Variants in GNPTG observed in about 807,000 individuals in gnomAD.
GNPTG encodes N-acetylglucosamine-1-phosphate transferase subunit gamma, also known as N-acetylglucosamine-1-phosphotransferase subunit gamma.
A neutral mutation model predicts 43.8 loss-of-function variants in GNPTG; 46 were observed. That is an observed-to-expected ratio of 1.05 (90% CI 0.83 to 1.34). The LOEUF (loss-of-function observed/expected upper bound fraction) is 1.34, where lower values mean the gene tolerates loss of function less well. Among genes scored for constraint, GNPTG ranks in the 40% most tolerant of loss-of-function variants. The pLI, the probability that GNPTG is intolerant of heterozygous loss-of-function variation, is 0.00. For missense variants in GNPTG, 549 were observed against 411.3 expected, an observed-to-expected ratio of 1.33 and a Z score of -2.90; for synonymous variants, 250 against 172.8, an observed-to-expected ratio of 1.45 and a Z score of -3.50.
Position 1,362,912 on chromosome 16 carries a change from T to C in GNPTG, c.823+6T>C. 1 of 1,613,890 alleles carries C rather than the reference T, an allele frequency of 6.2e-7. No individual in the cohort carries two copies. The highest frequency in any genetic ancestry group is 8.5e-7 in the Non-Finnish European group (1 of 1,179,908). Reference sequence around the variant, plus strand: ...CCCCTACACGAGGCCCACAGGTGAGTCACCTGTGGGGAGAGGGCCAGGCTC... The same window carrying C: ...CCCCTACACGAGGCCCACAGGTGAGCCACCTGTGGGGAGAGGGCCAGGCTC... On this transcript the variant is annotated splice_donor_region_variant and intron_variant, in intron 10 of 10. Transcript: ENST00000204679.
In GNPTG at chr16:1,362,713, G is replaced by A. The variant is rs762827756; in HGVS notation, c.712G>A (p.Gly238Arg). 1.7e-5 allele frequency: 28 copies of A among 1,614,084 alleles called. No individual in the cohort carries two copies. In the South Asian group the frequency reaches 2.6e-4, roughly 15 times the overall value. Residue 238 changes from glycine to arginine, a missense_variant, in exon 9 of 11, where the codon GGG (glycine) becomes AGG (arginine). Transcript: ENST00000204679. Reference sequence around the variant, plus strand: ...GCTGGAGGGAGGTCCTGACAGCTTGGGGTTTGAGACCCTGGAAAACTGCAG... The same window carrying A: ...GCTGGAGGGAGGTCCTGACAGCTTGAGGTTTGAGACCCTGGAAAACTGCAG... ...TQLEGGPDSL[G>R]FETLENCRKA...
intron 3 of GNPTG, among the ~76,000 whole-genome samples, chr16:1,356,282 G>C (rs748901189): frequency 3.4e-4 from 52 of 152,312 alleles, no homozygotes; most frequent in Non-Finnish European, 6.2e-4. Flanking sequence ...GAGTGTCCTG[G>C]CCATGCAGGC....
chr16:1,360,745 A>G (rs1044466667), intron 3 of GNPTG: 1 of 152,248 alleles, frequency 6.6e-6, no homozygotes, highest in African/African-American at 2.4e-5. Context: ...CCTGGTGCCA[A>G]AAAGATTGGG....
Position 1,352,003 on chromosome 16 carries a change from G to C in GNPTG, c.38G>C (p.Gly13Ala). ...CTGGCGCGGCTCCTGTTGCTCCTCG[G>C]GCTCTCGGCCGGCGGTGAGTGGCCC... ...AGLARLLLLL[G>A]LSAGGPAPAG... The change falls in exon 1 of 11, where the codon GGG becomes GCG. Residue 13 changes from glycine to alanine, a missense_variant. Physicochemically the swap from Gly to Ala is moderately conservative, Grantham distance 60. Transcript: ENST00000204679. The C allele has an allele frequency of 6.9e-7, 1 of 1,456,076 alleles. No individual in the cohort carries two copies. Among genetic ancestry groups the C allele is most frequent in the East Asian group, 3.0e-5 (1 of 33,804 alleles). The allele number at this position is 1,456,076 out of a possible 1,614,324, so 90.2% of individuals were successfully genotyped here.
intron 3 of GNPTG, among the ~76,000 whole-genome samples, chr16:1,352,737 C>G (rs1684538346): frequency 6.6e-6 from 1 of 152,116 alleles, no homozygotes; most frequent in Admixed American, 6.5e-5. Context: ...TCTCTTGGTG[C>G]TCAGCACGCG....
intron 3 of GNPTG, chr16:1,358,245 C>T (rs1255645723): frequency 1.3e-5 from 2 of 152,374 alleles, no homozygotes; most frequent in African/African-American, 4.8e-5. Context: ...ATCATCTCCA[C>T]AACTTGCTCT....
At chr16:1,358,098 G>C (rs1300800151) in intron 3 of GNPTG, 2 of 152,216 alleles carry the variant, frequency 1.3e-5, no homozygotes, top group African/African-American at 4.8e-5. Flanking sequence ...CTTGACTCAC[G>C]AGTTGCCACT....
At position 1,351,946 on chromosome 16, in the gene GNPTG, G is replaced by A. The variant is rs1333616454; in HGVS notation, c.-20G>A. The A allele has an allele frequency of 2.3e-6, 3 of 1,279,102 alleles. No individual in the cohort carries two copies. The highest frequency in any genetic ancestry group is 2.0e-6 in the Non-Finnish European group (2 of 1,019,572). The allele number at this position is 1,279,102 out of a possible 1,614,324, so 79.2% of individuals were successfully genotyped here. The stretch of plus-strand genomic sequence containing the variant: ...CGTGACCGTCACTTCACGTGACCGC[G>A]CGGCGGCCGCTGCGGCGCGATGGCG... On this transcript the variant is annotated 5_prime_UTR_variant, in exon 1 of 11. Coordinates refer to ENST00000204679, the MANE Select transcript of GNPTG (RefSeq NM_032520.5).
chr16:1,353,839 G>A (rs2034726592), intron 3 of GNPTG, among the ~76,000 whole-genome samples: 1 of 152,190 alleles, frequency 6.6e-6, no homozygotes, highest in Non-Finnish European at 1.5e-5. Context: ...TCAGCCAAAA[G>A]CTAAAGGAGA....
chr16:1,354,913 C>T (rs922609871), intron 3 of GNPTG, among the ~76,000 whole-genome samples: 2 of 151,484 alleles, frequency 1.3e-5, no homozygotes, highest in African/African-American at 2.4e-5. Context: ...TAGGGCCGGG[C>T]GTGGATTGTC....
At chr16:1,356,113 C>T (rs1015370024) in intron 3 of GNPTG, among the ~76,000 whole-genome samples, 17 of 152,178 alleles carry the variant, frequency 1.1e-4, no homozygotes, top group African/African-American at 4.1e-4. Context: ...CACCAAGAGA[C>T]GCAGCCCTAG....
intron 3 of GNPTG, chr16:1,361,464 G>A: frequency 2.5e-6 from 1 of 401,056 alleles, no homozygotes; most frequent in South Asian, 2.1e-5. Flanking sequence ...CTAACGCGGT[G>A]AAACCCCGTC....
At chr16:1,352,952 G>C (rs930143670) in intron 3 of GNPTG, among the ~76,000 whole-genome samples, 1 of 145,644 alleles carries the variant, frequency 6.9e-6, no homozygotes, top group African/African-American at 2.6e-5. Context: ...AAATATAATA[G>C]ACAAAAATCC....
chr16:1,362,617 G>GAGA lies in GNPTG; in HGVS notation c.619_621dup (p.Lys207dup), dbSNP rs2034924779. Reference sequence around the variant, plus strand: ...CTGCATCCTCCACCTTCAGGGCCATGAGAAGTTGCTGAGGACACTTTTTGA... The same window carrying GAGA: ...CTGCATCCTCCACCTTCAGGGCCATGAGAAGAAGTTGCTGAGGACACTTTTTGA... On this transcript the variant is annotated inframe_insertion, in exon 9 of 11. Coordinates refer to ENST00000204679, the MANE Select transcript of GNPTG (RefSeq NM_032520.5). 6.2e-7 allele frequency: 1 copy of GAGA among 1,614,080 alleles called. No homozygotes were observed.
At chr16:1,362,968 T>C (rs1397810389) in intron 10 of GNPTG, 29 bp from the exon 11 acceptor site, 1 of 1,613,724 alleles carries the variant, frequency 6.2e-7, no homozygotes, top group Admixed American at 1.7e-5. Flanking sequence ...TGGGTCCAGG[T>C]GAGGACTGGC....
chr16:1,363,196 A>C lies in GNPTG; in HGVS notation c.*105A>C. The C allele has an allele frequency of 1.1e-6, 1 of 931,222 alleles. No individual in the cohort carries two copies. The highest frequency in any genetic ancestry group is 1.4e-5 in the South Asian group (1 of 72,196). The allele number at this position is 931,222 out of a possible 1,614,324, so 57.7% of individuals were successfully genotyped here. On this transcript the variant is annotated 3_prime_UTR_variant, in exon 11 of 11. Transcript: ENST00000204679. ...TGACCAGGCTTGTGCTCAGAGAAGC[A>C]GACAAAACAAAGATTCAAGGTTTTA... is the stretch of plus-strand genomic sequence containing the variant.
At position 1,362,296 on chromosome 16, in the gene GNPTG, G is replaced by A. The variant is rs190614894; in HGVS notation, c.502G>A (p.Val168Ile). 2.2e-4 allele frequency: 358 copies of A among 1,613,236 alleles called. 4 individuals carry two copies. In the East Asian group the frequency reaches 4.8e-3, roughly 22 times the overall value. The change falls in exon 7 of 11, where the codon GTC becomes ATC. Residue 168 changes from valine to isoleucine, a missense_variant. Transcript: ENST00000204679. ...VYALTFETPL[V>I]CHPHALLVYP... ...CGCGCTGACGTTCGAGACCCCCCTC[G>A]TCTGCCACCCCCACGCCTTGCTAGG...
At chr16:1,353,715 A>T (rs571023993) in intron 3 of GNPTG, among the ~76,000 whole-genome samples, 1 of 152,078 alleles carries the variant, frequency 6.6e-6, no homozygotes, top group Admixed American at 6.6e-5. Flanking sequence ...GTAGAGATGG[A>T]AGTCTCACTA....
At position 1,362,356 on chromosome 16, in the gene GNPTG, C is replaced by A. The variant is rs778078228; in HGVS notation, c.526+36C>A. ...GGGACGCAGTTGAGCCCAGTGGGGT[C>A]AGCCGCGCACGCAGCCCTGCTGGAG... is the stretch of plus-strand genomic sequence containing the variant. On this transcript the variant is annotated intron_variant, in intron 7 of 10. Transcript: ENST00000204679. 4 of 1,608,984 alleles carry A rather than the reference C, an allele frequency of 2.5e-6. No homozygotes were observed. In the South Asian group the frequency reaches 4.4e-5, roughly 18 times the overall value.
Sources: gnomAD v4.1 joint callset for allele counts (sites outside exome capture counted in the v4.1 genomes callset) on GRCh38, gnomAD v4.1.1 for gene constraint, MANE v1.5 for transcripts, NCBI Gene and HGNC (gene_info 2026-07-23, HGNC 2026-07-21) for gene names.